MAGI2: variants seen among roughly 807,000 people sequenced by gnomAD.
MAGI2 encodes the protein membrane associated guanylate kinase, WW and PDZ domain containing 2, also known as membrane-associated guanylate kinase, WW and PDZ domain-containing protein 2.
Under a neutral mutation model 133.3 loss-of-function variants are expected in MAGI2, and 35 were observed. The observed-to-expected ratio is 0.26, with a 90% CI of 0.20 to 0.35. The LOEUF (loss-of-function observed/expected upper bound fraction) is 0.35, where lower values mean the gene tolerates loss of function less well. Among genes scored for constraint, MAGI2 ranks in the 10% least tolerant of loss-of-function variants. The pLI, the probability that MAGI2 is intolerant of heterozygous loss-of-function variation, is 1.00. For synonymous variants in MAGI2, 729 were observed against 710.6 expected (o/e 1.03, Z -0.41); for missense variants, 1,636 against 1,863.4 (o/e 0.88, Z 2.25).
chr7:78,550,165 G>T (rs368287246), intron 3 of MAGI2, among the ~76,000 whole-genome samples: 2 of 152,146 alleles, frequency 1.3e-5, no homozygotes, highest in Non-Finnish European at 1.5e-5. Context: ...ACTTTCAGAA[G>T]CAAATTTCTG....
chr7:78,114,753 C>T (rs767044311), intron 20 of MAGI2, among the ~76,000 whole-genome samples: 51 of 152,190 alleles, frequency 3.4e-4, no homozygotes, highest in Non-Finnish European at 5.9e-4. Context: ...AGTGTGTTCT[C>T]AGGCAGGACT....
intron 2 of MAGI2, among the ~76,000 whole-genome samples, chr7:78,684,031 T>C (rs937801041): frequency 1.3e-5 from 2 of 152,200 alleles, no homozygotes; most frequent in Non-Finnish European, 2.9e-5. Flanking sequence ...CTGAACCCTC[T>C]AATCACGTAA....
rs1479130048 is a variant in MAGI2, at chr7:79,079,872, T to A, written c.302-72666A>T. On this transcript the variant is annotated intron_variant, in intron 1 of 21. Coordinates refer to ENST00000354212, the MANE Select transcript of MAGI2 (RefSeq NM_012301.4). ...GGTGCAATCCTCTGGGTAAAATAAT[T>A]TCACAATGTATTATTGGTATATTAT... Among the ~76,000 whole-genome samples, 3 of 152,136 alleles carry A rather than the reference T, an allele frequency of 2.0e-5. No individual in the cohort carries two copies. The East Asian group carries it at 5.8e-4, about 29-fold the overall frequency.
intron 2 of MAGI2, among the ~76,000 whole-genome samples, chr7:78,698,810 C>A (rs1817773564): frequency 6.6e-6 from 1 of 152,056 alleles, no homozygotes; most frequent in African/African-American, 2.4e-5. Context: ...ACAAAACCAT[C>A]AGATCTCGTG....
intron 20 of MAGI2, among the ~76,000 whole-genome samples, chr7:78,086,224 T>A (rs1391113065): frequency 6.7e-6 from 1 of 148,296 alleles, no homozygotes; most frequent in Non-Finnish European, 1.5e-5. Flanking sequence ...GGGCTCTTTT[T>A]TTTTTTAATT....
intron 9 of MAGI2, among the ~76,000 whole-genome samples, chr7:78,343,222 AT>A (rs2151184276): frequency 6.6e-6 from 1 of 152,300 alleles, no homozygotes; most frequent in South Asian, 2.1e-4. Flanking sequence ...CAAGAAATAA[AT>A]TTCAGTTGTA....
At chr7:79,242,625 T>A (rs1528272) in intron 1 of MAGI2, among the ~76,000 whole-genome samples, 1 of 151,928 alleles carries the variant, frequency 6.6e-6, no homozygotes, top group African/African-American at 2.4e-5. Flanking sequence ...AAAGAAATTA[T>A]CCTGATCTAA....
intron 6 of MAGI2, among the ~76,000 whole-genome samples, chr7:78,443,863 A>G (rs539633743): frequency 6.6e-6 from 1 of 152,298 alleles, no homozygotes; most frequent in South Asian, 2.1e-4. Flanking sequence ...CGAGAGGAAG[A>G]ACATGACCTG....
chr7:78,491,358 T>G (rs1793585272), intron 5 of MAGI2, among the ~76,000 whole-genome samples: 1 of 152,128 alleles, frequency 6.6e-6, no homozygotes, highest in Non-Finnish European at 1.5e-5. Flanking sequence ...GAGCTATCTT[T>G]AATTTGAGAA....
At chr7:78,439,444 G>A (rs1258502458) in intron 6 of MAGI2, among the ~76,000 whole-genome samples, 2 of 152,142 alleles carry the variant, frequency 1.3e-5, no homozygotes, top group Non-Finnish European at 2.9e-5. Context: ...TGACAAAATA[G>A]TTGGAAAAGC....
At chr7:79,343,921 G>T (rs1017885879) in intron 1 of MAGI2, among the ~76,000 whole-genome samples, 14 of 152,102 alleles carry the variant, frequency 9.2e-5, no homozygotes, top group African/African-American at 3.4e-4. Context: ...TGTCATGCCC[G>T]ATTAACTTTA....
chr7:79,111,915 T>G (rs113941598), intron 1 of MAGI2, among the ~76,000 whole-genome samples: 172 of 144,152 alleles, frequency 1.2e-3, no homozygotes, highest in African/African-American at 4.9e-3. Flanking sequence ...GATCCGCCCC[T>G]CTCGGCCTCC....
rs1003343823 is a variant in MAGI2 at position 79,049,794 on chromosome 7, T to G, written c.302-42588A>C. Among the ~76,000 whole-genome samples, 37 of 152,300 alleles carry G rather than the reference T, an allele frequency of 2.4e-4. 2 individuals are homozygous for G. The highest frequency in any genetic ancestry group is 3.4e-3 in the Middle Eastern group (1 of 292). ...CACTCATATGTAGAATTTCTGAGACTCTGATTCTGTAATTTTTAATTGCTA... is the reference window on the plus strand; with the variant it reads ...CACTCATATGTAGAATTTCTGAGACGCTGATTCTGTAATTTTTAATTGCTA... On this transcript the variant is annotated intron_variant, in intron 1 of 21. Transcript: ENST00000354212.
intron 1 of MAGI2, among the ~76,000 whole-genome samples, chr7:79,132,144 T>A (rs1244485556): frequency 3.9e-5 from 6 of 152,186 alleles, no homozygotes; most frequent in Non-Finnish European, 8.8e-5. Flanking sequence ...ACTGGCTTTT[T>A]AAAAATTTTT....
At chr7:78,238,153 T>C (rs1039573111) in intron 10 of MAGI2, among the ~76,000 whole-genome samples, 7 of 152,154 alleles carry the variant, frequency 4.6e-5, no homozygotes, top group Admixed American at 1.3e-4. Context: ...ACATTTAAAA[T>C]TGGAGGTTCC....
intron 20 of MAGI2, among the ~76,000 whole-genome samples, chr7:78,106,370 C>T (rs539509373): frequency 6.6e-6 from 1 of 152,112 alleles, no homozygotes; most frequent in South Asian, 2.1e-4. Context: ...TTTTGAGTAC[C>T]TAACAGCAGG....
At chr7:79,236,261 G>A (rs780557562) in intron 1 of MAGI2, among the ~76,000 whole-genome samples, 2 of 152,118 alleles carry the variant, frequency 1.3e-5, no homozygotes, top group Non-Finnish European at 2.9e-5. Flanking sequence ...ATGTTAATGG[G>A]TTAATACATG....
chr7:79,345,570 T>C (rs1402164599), intron 1 of MAGI2, among the ~76,000 whole-genome samples: 1 of 152,108 alleles, frequency 6.6e-6, no homozygotes, highest in Non-Finnish European at 1.5e-5. Context: ...TTTGATGTTC[T>C]CTTGAGTGCA....
At chr7:78,130,537 T>G (rs1403423857) in intron 18 of MAGI2, among the ~76,000 whole-genome samples, 1 of 152,216 alleles carries the variant, frequency 6.6e-6, no homozygotes, top group Non-Finnish European at 1.5e-5. Context: ...TGGCCATCTT[T>G]AAATGCAATT....
Sources: allele counts gnomAD v4.1 joint callset (sites outside exome capture counted in the v4.1 genomes callset), GRCh38; gene constraint gnomAD v4.1.1; transcripts MANE v1.5; gene names NCBI Gene and HGNC (gene_info 2026-07-23, HGNC 2026-07-21).